SLC12A6: variants seen among roughly 807,000 people sequenced by gnomAD.
The protein encoded by SLC12A6 is K-Cl cotransporter 3.
A neutral mutation model predicts 135.3 loss-of-function variants in SLC12A6; 66 were observed. That is an observed-to-expected ratio of 0.49 (90% CI 0.40 to 0.60). SLC12A6 has a LOEUF of 0.60. Among genes scored for constraint, SLC12A6 ranks in the 20% least tolerant of loss-of-function variants. The probability of loss-of-function intolerance (pLI) is 0.00; values close to 1 mark genes in which losing one functional copy is unlikely to be tolerated. For missense variants in SLC12A6, 1,058 were observed against 1,452.3 expected, an observed-to-expected ratio of 0.73 and a Z score of 4.41; for synonymous variants, 513 against 508.8, an observed-to-expected ratio of 1.01 and a Z score of -0.11.
intron 2 of SLC12A6, among the ~76,000 whole-genome samples, chr15:34,319,130 C>CTT (rs926815901): frequency 3.2e-4 from 43 of 135,376 alleles, no homozygotes; most frequent in African/African-American, 6.5e-4. Flanking sequence ...GAACAGTTAA[C>CTT]TTTTTTTTTT....
At chr15:34,259,569 G>A (rs928332564) in intron 4 of SLC12A6, among the ~76,000 whole-genome samples, 4 of 152,118 alleles carry the variant, frequency 2.6e-5, no homozygotes, top group Non-Finnish European at 4.4e-5. Context: ...AGGGTCCTTT[G>A]AGCCCAGGAG....
chr15:34,293,446 G>C (rs902125034), intron 2 of SLC12A6, among the ~76,000 whole-genome samples: 6 of 152,162 alleles, frequency 3.9e-5, no homozygotes, highest in African/African-American at 1.4e-4. Flanking sequence ...TGAGATTACA[G>C]GTGCCCACTG....
chr15:34,238,240 G>A lies in SLC12A6; in HGVS notation c.2794C>T (p.Gln932Ter). The A allele has an allele frequency of 6.2e-7, 1 of 1,611,574 alleles. No individual in the cohort carries two copies. The highest frequency in any genetic ancestry group is 8.5e-7 in the Non-Finnish European group (1 of 1,177,648). Reference sequence around the variant, plus strand: ...AAAGTTGTATAAAATACCTTGTGCTGTTTCAGTAGGAATGGTAGTAGCATA... The same window carrying A: ...AAAGTTGTATAAAATACCTTGTGCTATTTCAGTAGGAATGGTAGTAGCATA... ...MLMLLPFLLK[Q>*]HKVWRKCSIR... Residue 932 changes from glutamine to a stop codon, truncating the protein, a stop_gained, in exon 21 of 26, where the codon CAG becomes TAG. Coordinates refer to ENST00000354181, the MANE Select transcript of SLC12A6 (RefSeq NM_001365088.1). LOFTEE classifies it high-confidence loss of function.
Position 34,255,357 on chromosome 15 carries a change from C to G in SLC12A6, c.781G>C (p.Gly261Arg). The G allele has an allele frequency of 6.2e-7, 1 of 1,610,600 alleles. No homozygotes were observed. The highest frequency in any genetic ancestry group is 8.5e-7 in the Non-Finnish European group (1 of 1,176,816). ...GSYFMISRAL[G>R]PEFGGAVGLC... is the part of the protein sequence containing the mutation. Reference sequence around the variant, plus strand: ...CCAACAGCCCCACCAAACTCTGGGCCCAGTGCCCGGGAAATCATAAAGTAT... The same window carrying G: ...CCAACAGCCCCACCAAACTCTGGGCGCAGTGCCCGGGAAATCATAAAGTAT... Residue 261 changes from glycine (G) to arginine (R), a missense_variant, in exon 8 of 26, where the codon GGC (glycine) becomes CGC (arginine). Around this residue, in one of 6 missense-constraint regions of SLC12A6, gnomAD observed 139 missense variants for 202.2 expected, o/e 0.69. Coordinates refer to ENST00000354181, the MANE Select transcript of SLC12A6 (RefSeq NM_001365088.1).
chr15:34,337,428 G>C lies in SLC12A6; in HGVS notation c.-169C>G, dbSNP rs1890272647. 1 of 153,874 alleles carries C rather than the reference G, an allele frequency of 6.5e-6. No homozygotes were observed. Among genetic ancestry groups the C allele is most frequent in the East Asian group, 1.9e-4 (1 of 5,208 alleles). 9.5% of individuals were successfully genotyped at this position (153,874 alleles called of 1,614,324 possible). On this transcript the variant is annotated 5_prime_UTR_variant, in exon 1 of 26. Transcript: ENST00000354181. ...GGGTGGCGCGCCCGCTCTTCTCCTAGCAGAAAGGTCCTCGGGGTCTGGGAG... is the reference window on the plus strand; with the variant it reads ...GGGTGGCGCGCCCGCTCTTCTCCTACCAGAAAGGTCCTCGGGGTCTGGGAG...
At chr15:34,295,564 C>T (rs1365335532) in intron 2 of SLC12A6, among the ~76,000 whole-genome samples, 1 of 152,112 alleles carries the variant, frequency 6.6e-6, no homozygotes, top group Non-Finnish European at 1.5e-5. Flanking sequence ...TGGAAAATAT[C>T]AAAGTAATGT....
Position 34,230,366 on chromosome 15 carries a change from T to TTTTG in SLC12A6, c.*3511_*3514dup, listed in dbSNP as rs1184773820. ...TATTTTAATACCCACGATAAGGGAT[T>TTTTG]TTTGTTAGCATGTTTAGGGGGAACG... On this transcript the variant is annotated 3_prime_UTR_variant, in exon 26 of 26. Transcript: ENST00000354181. 2 of 152,894 alleles carry TTTTG rather than the reference T, an allele frequency of 1.3e-5. No individual in the cohort carries two copies. Among genetic ancestry groups the TTTTG allele is most frequent in the African/African-American group, 4.8e-5 (2 of 41,424 alleles). 9.5% of individuals were successfully genotyped at this position (152,894 alleles called of 1,614,324 possible).
At chr15:34,289,303 T>G (rs1895347547) in intron 2 of SLC12A6, among the ~76,000 whole-genome samples, 2 of 152,368 alleles carry the variant, frequency 1.3e-5, no homozygotes, top group South Asian at 4.1e-4. Context: ...ATTTGCTATG[T>G]TGAACCAGCC....
chr15:34,230,145 T>C lies in SLC12A6; in HGVS notation c.*3736A>G, dbSNP rs1159452891. The C allele has an allele frequency of 8.2e-6, 2 of 243,960 alleles. No individual in the cohort carries two copies. The highest frequency in any genetic ancestry group is 2.2e-5 in the African/African-American group (1 of 44,774). 15.1% of individuals were successfully genotyped at this position (243,960 alleles called of 1,614,324 possible). On this transcript the variant is annotated 3_prime_UTR_variant, in exon 26 of 26. Coordinates refer to ENST00000354181, the MANE Select transcript of SLC12A6 (RefSeq NM_001365088.1). ...CAATAAATTAAATGGTTGAGAACAA[T>C]GCATAAAAAAAGTTGCACAAGTTCC...
rs150509847 is a variant in SLC12A6, at chr15:34,331,020, C to T, written c.271+5390G>A. Among the ~76,000 whole-genome samples, 1,202 of 150,394 alleles carry T rather than the reference C, an allele frequency of 8.0e-3. 20 individuals are homozygous for T. The highest frequency in any genetic ancestry group is 0.028 in the African/African-American group (1,145 of 40,634). Reference sequence around the variant, plus strand: ...CCGCACCATTGCACTCCAGCCTGGGCGACAGAGTGAGACTCTGTCTCAAAA... The same window carrying T: ...CCGCACCATTGCACTCCAGCCTGGGTGACAGAGTGAGACTCTGTCTCAAAA... On this transcript the variant is annotated intron_variant, in intron 2 of 25. Transcript: ENST00000354181.
At chr15:34,249,186 C>G (rs1038761811) in intron 13 of SLC12A6, among the ~76,000 whole-genome samples, 3 of 152,010 alleles carry the variant, frequency 2.0e-5, no homozygotes, top group African/African-American at 7.3e-5. Flanking sequence ...AGGCAAAAAT[C>G]CTGAAGGTCT....
chr15:34,294,001 T>C (rs1189000738), intron 2 of SLC12A6, among the ~76,000 whole-genome samples: 2 of 152,224 alleles, frequency 1.3e-5, no homozygotes, highest in Non-Finnish European at 2.9e-5. Flanking sequence ...GTATATAAAC[T>C]TGCAAATGTA....
At chr15:34,246,196 G>C (rs1891977431) in intron 13 of SLC12A6, among the ~76,000 whole-genome samples, 2 of 152,124 alleles carry the variant, frequency 1.3e-5, no homozygotes, top group Admixed American at 6.5e-5. Context: ...GCCTCCAAAA[G>C]TGCTGGGATT....
chr15:34,308,396 G>A (rs1345185544), intron 2 of SLC12A6, among the ~76,000 whole-genome samples: 1 of 152,118 alleles, frequency 6.6e-6, no homozygotes, highest in Non-Finnish European at 1.5e-5. Context: ...AGACTGAGGT[G>A]GGTGGATCAC....
chr15:34,313,265 T>C (rs1888389097), intron 2 of SLC12A6, among the ~76,000 whole-genome samples: 1 of 152,208 alleles, frequency 6.6e-6, no homozygotes, highest in African/African-American at 2.4e-5. Flanking sequence ...AAATTAAAAG[T>C]GCTATTCCAG....
At chr15:34,318,467 T>C in intron 2 of SLC12A6, 1 of 973,146 alleles carries the variant, frequency 1.0e-6, no homozygotes, top group Non-Finnish European at 1.7e-6. Context: ...CACTTTTCTC[T>C]GTCCTAAAGA....
Position 34,287,953 on chromosome 15 carries a change from C to A in SLC12A6, c.272-12564G>T, listed in dbSNP as rs1055280018. Among the ~76,000 whole-genome samples the A allele has an allele frequency of 7.2e-5, 11 of 152,258 alleles. No homozygotes were observed. The East Asian group carries it at 1.9e-3, about 27-fold the overall frequency. ...TGCCTGTTCACTCTGGTAATAGTTT[C>A]TTTTGCTGTGCAGAAGCTCTTTAGT... On this transcript the variant is annotated intron_variant, in intron 2 of 25. Coordinates refer to ENST00000354181, the MANE Select transcript of SLC12A6 (RefSeq NM_001365088.1).
intron 25 of SLC12A6, 61 bp from the exon 26 acceptor site, chr15:34,234,033 C>A: frequency 1.2e-6 from 1 of 854,348 alleles, no homozygotes; most frequent in South Asian, 1.3e-5. Flanking sequence ...CTGGCATCAT[C>A]ATAATCTGAG....
chr15:34,329,598 G>T (rs1371692248), intron 2 of SLC12A6, among the ~76,000 whole-genome samples: 2 of 152,040 alleles, frequency 1.3e-5, no homozygotes, highest in African/African-American at 4.8e-5. Context: ...GGACACAGAA[G>T]AGACCACCGA....
Sources: gnomAD v4.1 joint callset for allele counts (sites outside exome capture counted in the v4.1 genomes callset) on GRCh38, gnomAD v4.1.1 for gene constraint, gnomAD v4.1.1 regional missense constraint, MANE v1.5 for transcripts, NCBI Gene and HGNC (gene_info 2026-07-23, HGNC 2026-07-21) for gene names.